LIPC: variants seen among roughly 807,000 people sequenced by gnomAD.
LIPC encodes the protein lipase C, hepatic type.
In LIPC, 44 loss-of-function variants were observed where a neutral mutation model predicts 50.7. The observed-to-expected ratio is 0.87, with a 90% CI of 0.68 to 1.11. LIPC has a LOEUF of 1.11. Among genes scored for constraint, LIPC ranks in the 50% most tolerant of loss-of-function variants. LIPC has a pLI of 0.00. For synonymous variants in LIPC, 271 were observed against 256.4 expected, an observed-to-expected ratio of 1.06 and a Z score of -0.54; for missense variants, 697 against 648.2, an observed-to-expected ratio of 1.08 and a Z score of -0.82.
chr15:58,552,443 T>G (rs1247556228), intron 6 of LIPC, among the ~76,000 whole-genome samples: 1 of 152,188 alleles, frequency 6.6e-6, no homozygotes, highest in African/African-American at 2.4e-5. Context: ...TCCAGCTGCA[T>G]GTCCCGCCTC....
chr15:58,458,069 G>A (rs938927200), intron 1 of LIPC, among the ~76,000 whole-genome samples: 1 of 152,044 alleles, frequency 6.6e-6, no homozygotes, highest in African/African-American at 2.4e-5. Context: ...AAATTAAATG[G>A]CAAAAGTCCT....
chr15:58,555,358 C>T (rs573371641), intron 6 of LIPC, among the ~76,000 whole-genome samples: 4 of 152,260 alleles, frequency 2.6e-5, no homozygotes, highest in African/African-American at 9.6e-5. Flanking sequence ...GGGGTCAGAG[C>T]TGGCAGGCAG....
chr15:58,523,925 G>C (rs1892728918), intron 1 of LIPC, among the ~76,000 whole-genome samples: 1 of 152,114 alleles, frequency 6.6e-6, no homozygotes, highest in South Asian at 2.1e-4. Flanking sequence ...GCCAGAACTT[G>C]TCTCTAAAAA....
chr15:58,562,983 C>T (rs969412550), intron 7 of LIPC, among the ~76,000 whole-genome samples: 1 of 152,218 alleles, frequency 6.6e-6, no homozygotes, highest in South Asian at 2.1e-4. Context: ...CATGATACCT[C>T]AGAGTCTGCA....
intron 1 of LIPC, among the ~76,000 whole-genome samples, chr15:58,502,464 T>C (rs992686797): frequency 2.6e-5 from 4 of 151,886 alleles, no homozygotes; most frequent in African/African-American, 9.7e-5. Flanking sequence ...GCTCCTACCG[T>C]TGGGTTGGTT....
At chr15:58,443,123 G>A (rs571773210) in intron 1 of LIPC, among the ~76,000 whole-genome samples, 1 of 152,240 alleles carries the variant, frequency 6.6e-6, no homozygotes, top group African/African-American at 2.4e-5. Flanking sequence ...ATGTTGGCCA[G>A]GCTGGTCTTG....
In LIPC at chr15:58,432,063, C is replaced by T. The variant is rs1893141834; in HGVS notation, c.31C>T (p.Leu11=). MDTSPLCFSI[L]LVLCIFIQSS... ...CACAAGTCCCCTGTGTTTCTCCATT[C>T]TGTTGGTTTTATGCATCTTTATCCA... Residue 11 remains leucine (L), a synonymous_variant, in exon 1 of 9, where the codon CTG becomes TTG. Transcript: ENST00000299022. The T allele has an allele frequency of 1.2e-6, 2 of 1,614,050 alleles. No individual in the cohort carries two copies. Among genetic ancestry groups the T allele is most frequent in the Admixed American group, 1.7e-5 (1 of 60,024 alleles).
chr15:58,446,884 T>C (rs1292078719), intron 1 of LIPC, among the ~76,000 whole-genome samples: 2 of 152,176 alleles, frequency 1.3e-5, no homozygotes, highest in African/African-American at 4.8e-5. Flanking sequence ...AGGTGGCTTA[T>C]GCCTGTAACC....
At chr15:58,556,690 A>G (rs1893967296) in intron 6 of LIPC, among the ~76,000 whole-genome samples, 1 of 152,204 alleles carries the variant, frequency 6.6e-6, no homozygotes, top group Non-Finnish European at 1.5e-5. Context: ...CATTCCAAAA[A>G]TAGCTTTTAA....
intron 8 of LIPC, among the ~76,000 whole-genome samples, chr15:58,567,906 C>T (rs1894444370): frequency 6.6e-6 from 1 of 152,136 alleles, no homozygotes; most frequent in African/African-American, 2.4e-5. Flanking sequence ...TATTTGGCTT[C>T]ATTTATTCCT....
At chr15:58,501,347 CTTTTTTT>C (rs11453466) in intron 1 of LIPC, among the ~76,000 whole-genome samples, 1 of 134,854 alleles carries the variant, frequency 7.4e-6, no homozygotes, top group Admixed American at 7.4e-5. Flanking sequence ...GCCTCTCATA[CTTTTTTT>C]TTTTTTTTTT....
At chr15:58,500,548 G>A (rs2140835860) in intron 1 of LIPC, among the ~76,000 whole-genome samples, 1 of 152,228 alleles carries the variant, frequency 6.6e-6, no homozygotes, top group South Asian at 2.1e-4. Flanking sequence ...GTCACTTGAG[G>A]GCTGGGAGAA....
chr15:58,496,743 C>CAAAAGAAAAAAAAAAAAAAA (rs1891778283), intron 1 of LIPC, among the ~76,000 whole-genome samples: 1 of 114,180 alleles, frequency 8.8e-6, no homozygotes, highest in Non-Finnish European at 1.8e-5. Context: ...TCTTCCCCCT[C>CAAAAGAAAAAAAAAAAAAAA]AAAAAAAAAA....
intron 1 of LIPC, among the ~76,000 whole-genome samples, chr15:58,519,199 G>C (rs544531977): frequency 7.2e-5 from 11 of 152,066 alleles, no homozygotes; most frequent in Non-Finnish European, 1.5e-4. Flanking sequence ...ACGAGGTCAG[G>C]AGATCGAGAC....
intron 1 of LIPC, chr15:58,533,272 C>A: frequency 3.2e-6 from 2 of 621,434 alleles, no homozygotes; most frequent in Non-Finnish European, 4.0e-6. Context: ...CCTTTCCTCA[C>A]AGCTTATCAT....
In LIPC at chr15:58,438,477, G is replaced by A. The variant is rs149347569; in HGVS notation, c.88+6357G>A. 1.4e-3 allele frequency among the ~76,000 whole-genome samples: 210 copies of A among 152,342 alleles called. 3 individuals carry two copies. Among genetic ancestry groups the A allele is most frequent in the African/African-American group, 4.9e-3 (204 of 41,582 alleles). On this transcript the variant is annotated intron_variant, in intron 1 of 8. Coordinates refer to ENST00000299022, the MANE Select transcript of LIPC (RefSeq NM_000236.3). ...GTCCAACCCACCAGGGAAAAGGGCT[G>A]ACTAGGGGCCAATAGGACCCTCCAG... is the stretch of plus-strand genomic sequence containing the variant.
chr15:58,463,741 T>G (rs948813383), intron 1 of LIPC, among the ~76,000 whole-genome samples: 3 of 152,200 alleles, frequency 2.0e-5, no homozygotes, highest in Admixed American at 6.5e-5. Flanking sequence ...CTGGTCAGTT[T>G]TCCACTTTTC....
At chr15:58,542,379 C>T (rs1310742615) in intron 3 of LIPC, among the ~76,000 whole-genome samples, 155 bp from the exon 4 acceptor site, 2 of 152,100 alleles carry the variant, frequency 1.3e-5, no homozygotes, top group Non-Finnish European at 2.9e-5. Context: ...GGAGAGTCAG[C>T]CAGTTGAGAG....
At chr15:58,472,340 C>A (rs537058744) in intron 1 of LIPC, among the ~76,000 whole-genome samples, 1 of 150,514 alleles carries the variant, frequency 6.6e-6, no homozygotes, top group Non-Finnish European at 1.5e-5. Context: ...TTTGGGAGGC[C>A]GAGGGAGGTG....
Sources: gnomAD v4.1 joint callset for allele counts (sites outside exome capture counted in the v4.1 genomes callset) on GRCh38, gnomAD v4.1.1 for gene constraint, MANE v1.5 for transcripts, NCBI Gene and HGNC (gene_info 2026-07-23, HGNC 2026-07-21) for gene names.